The following TDP1 variants were observed in gnomAD, a reference collection of about 807,000 sequenced individuals.
TDP1 encodes the protein tyrosyl-DNA phosphodiesterase 1, also known as tyr-DNA phosphodiesterase 1.
In TDP1, 64 loss-of-function variants were observed where a neutral mutation model predicts 81.5. The observed-to-expected ratio is 0.79, with a 90% CI of 0.64 to 0.97. The LOEUF is 0.97. TDP1 is among the 50% of genes least tolerant of loss of function. TDP1 has a pLI of 0.00. For missense variants in TDP1, 723 were observed against 743.8 expected (o/e 0.97, Z 0.33); for synonymous variants, 256 against 264.3 (o/e 0.97, Z 0.30).
chr14:89,963,255 C>T lies in TDP1; in HGVS notation c.141C>T (p.Thr47=). 1 of 1,614,150 alleles carries T rather than the reference C, an allele frequency of 6.2e-7. No homozygotes were observed. Reference sequence around the variant, plus strand: ...GAGCAGCAAATGAGCCCAGGTACACCTGTTCCGAGGCCCAGAAAGCTGCAC... The same window carrying T: ...GAGCAGCAAATGAGCCCAGGTACACTTGTTCCGAGGCCCAGAAAGCTGCAC... The part of the protein sequence containing the change: ...RQGAANEPRY[T]CSEAQKAAHK... The change falls in exon 3 of 17, where the codon ACC becomes ACT. Residue 47 remains threonine, a synonymous_variant. Transcript: ENST00000335725.
chr14:89,956,900 A>C (rs1891720423), intron 2 of TDP1, 100 bp downstream of exon 2: 1 of 152,272 alleles, frequency 6.6e-6, no homozygotes, highest in Admixed American at 6.5e-5. Context: ...CTCTGTCTCA[A>C]AAAAATAAAT....
intron 8 of TDP1, chr14:89,981,582 C>A (rs771273710): frequency 9.3e-6 from 4 of 429,894 alleles, no homozygotes; most frequent in Non-Finnish European, 1.4e-5. Context: ...CTCTGTCATC[C>A]TCCTCTGCCT....
At chr14:90,027,962 T>A (rs1321417468) in intron 15 of TDP1, among the ~76,000 whole-genome samples, 1 of 152,218 alleles carries the variant, frequency 6.6e-6, no homozygotes, top group Non-Finnish European at 1.5e-5. Context: ...TGATACTCCA[T>A]GGGTTTTCAG....
chr14:90,018,001 G>A (rs545091041), intron 14 of TDP1, among the ~76,000 whole-genome samples: 1 of 152,000 alleles, frequency 6.6e-6, no homozygotes, highest in Admixed American at 6.5e-5. Flanking sequence ...CAGCCTAATC[G>A]CTTCAAGAGT....
chr14:89,993,675 C>T (rs1896417796), intron 14 of TDP1, among the ~76,000 whole-genome samples, 192 bp downstream of exon 14: 1 of 152,138 alleles, frequency 6.6e-6, no homozygotes, highest in Admixed American at 6.5e-5. Context: ...TCATCACCTA[C>T]TTTTGCTTAT....
At chr14:89,981,082 A>G (rs1411355390) in intron 8 of TDP1, among the ~76,000 whole-genome samples, 1 of 152,200 alleles carries the variant, frequency 6.6e-6, no homozygotes, top group Admixed American at 6.5e-5. Flanking sequence ...TCATGTACCC[A>G]CCTGTATTTT....
chr14:89,959,433 T>G (rs1892072396), intron 2 of TDP1, among the ~76,000 whole-genome samples: 2 of 152,270 alleles, frequency 1.3e-5, no homozygotes, highest in Non-Finnish European at 2.9e-5. Context: ...TGGTGTTTAC[T>G]AGCAGTTCTT....
intron 16 of TDP1, among the ~76,000 whole-genome samples, chr14:90,035,046 G>A (rs967447313): frequency 5.1e-4 from 77 of 151,522 alleles, no homozygotes; most frequent in African/African-American, 1.8e-3. Flanking sequence ...AACCTTCTCA[G>A]CTTTCATGGT....
chr14:90,013,412 A>T (rs1884945908), intron 14 of TDP1, among the ~76,000 whole-genome samples: 1 of 152,124 alleles, frequency 6.6e-6, no homozygotes, highest in African/African-American at 2.4e-5. Flanking sequence ...CTTGATAGTG[A>T]ATAGGTCTCA....
At chr14:90,014,237 A>C (rs1214190095) in intron 14 of TDP1, among the ~76,000 whole-genome samples, 2 of 152,252 alleles carry the variant, frequency 1.3e-5, no homozygotes, top group African/African-American at 2.4e-5. Flanking sequence ...AAAATTAAAG[A>C]TTATGTTCCT....
At chr14:90,026,421 G>A (rs934584748) in intron 15 of TDP1, among the ~76,000 whole-genome samples, 1 of 152,186 alleles carries the variant, frequency 6.6e-6, no homozygotes, top group East Asian at 1.9e-4. Flanking sequence ...CCTCTCACCT[G>A]TCCACATCCT....
chr14:90,011,150 CCTT>C (rs1265547758), intron 14 of TDP1, among the ~76,000 whole-genome samples: 3 of 152,208 alleles, frequency 2.0e-5, no homozygotes, highest in African/African-American at 7.2e-5. Flanking sequence ...CTTTGCTCCT[CCTT>C]CGCCTGCTGC....
intron 14 of TDP1, among the ~76,000 whole-genome samples, chr14:90,011,841 A>T (rs1884742548): frequency 6.6e-6 from 1 of 152,282 alleles, no homozygotes; most frequent in South Asian, 2.1e-4. Context: ...GAAAATCTGC[A>T]ACCTGACAAT....
intron 14 of TDP1, among the ~76,000 whole-genome samples, chr14:90,011,681 A>G (rs1333423791): frequency 6.6e-6 from 1 of 152,194 alleles, no homozygotes; most frequent in African/African-American, 2.4e-5. Context: ...GAGAAAGATA[A>G]TATAGGGTAT....
intron 4 of TDP1, chr14:89,967,097 C>CA (rs1893030013): frequency 1.0e-6 from 1 of 985,198 alleles, no homozygotes; most frequent in Admixed American, 6.1e-5. Flanking sequence ...ACCCTGCGGA[C>CA]AAGTACAGAT....
chr14:89,962,066 A>T (rs1320170367), intron 2 of TDP1, among the ~76,000 whole-genome samples: 1 of 152,222 alleles, frequency 6.6e-6, no homozygotes. Context: ...TGTTTCGTGT[A>T]CTTTCCTGTT....
intron 6 of TDP1, among the ~76,000 whole-genome samples, chr14:89,974,896 A>G (rs1894098299): frequency 6.6e-6 from 1 of 152,232 alleles, no homozygotes; most frequent in Non-Finnish European, 1.5e-5. Context: ...ATCTGGCATT[A>G]GTGGGTATTA....
intron 2 of TDP1, among the ~76,000 whole-genome samples, chr14:89,961,989 G>A (rs976405025): frequency 2.0e-5 from 3 of 152,128 alleles, no homozygotes; most frequent in Admixed American, 1.3e-4. Flanking sequence ...TAGCTGTCTG[G>A]AAAGTCTACT....
intron 8 of TDP1, 149 bp from the exon 9 acceptor site, chr14:89,984,367 T>C: frequency 6.5e-7 from 1 of 1,537,368 alleles, no homozygotes; most frequent in Non-Finnish European, 8.7e-7. Flanking sequence ...AGTGGTGTTC[T>C]CAGATTTATG....
Sources: allele counts gnomAD v4.1 joint callset (sites outside exome capture counted in the v4.1 genomes callset), GRCh38; gene constraint gnomAD v4.1.1; transcripts MANE v1.5; gene names NCBI Gene and HGNC (gene_info 2026-07-23, HGNC 2026-07-21).